RHEX: variants seen among roughly 807,000 people sequenced by gnomAD.
The protein encoded by RHEX is regulator of hemoglobinization and erythroid cell expansion protein.
RHEX carries 18 observed loss-of-function variants against 20.1 expected under a neutral mutation model. The ratio of observed to expected loss-of-function variants is 0.90; its 90% CI spans 0.62 to 1.33. The LOEUF (loss-of-function observed/expected upper bound fraction) is 1.33, where lower values mean the gene tolerates loss of function less well. Among genes scored for constraint, RHEX ranks in the 40% most tolerant of loss-of-function variants. The pLI, the probability that RHEX is intolerant of heterozygous loss-of-function variation, is 0.00. For synonymous variants in RHEX, 87 were observed against 77.1 expected, an observed-to-expected ratio of 1.13 and a Z score of -0.67; for missense variants, 192 against 214.3, an observed-to-expected ratio of 0.90 and a Z score of 0.65.
chr1:206,066,899 G>A (rs1171052184), intron 1 of RHEX, among the ~76,000 whole-genome samples: 4 of 152,118 alleles, frequency 2.6e-5, no homozygotes, highest in Non-Finnish European at 4.4e-5. Flanking sequence ...GAAACATAAG[G>A]CACAAAGCCA....
At chr1:206,085,106 A>G (rs1411929402) in intron 1 of RHEX, among the ~76,000 whole-genome samples, 1 of 152,164 alleles carries the variant, frequency 6.6e-6, no homozygotes, top group African/African-American at 2.4e-5. Flanking sequence ...AAAATAAGTC[A>G]AATAAAGAGA....
At chr1:206,099,296 G>A (rs191986781) in intron 3 of RHEX, among the ~76,000 whole-genome samples, 22 of 152,040 alleles carry the variant, frequency 1.4e-4, no homozygotes, top group Admixed American at 7.2e-4. Flanking sequence ...TTCAAGAGCC[G>A]ATGTGCCTAA....
intron 1 of RHEX, among the ~76,000 whole-genome samples, chr1:206,068,463 A>G (rs1217332554): frequency 6.6e-6 from 1 of 152,208 alleles, no homozygotes; most frequent in Non-Finnish European, 1.5e-5. Flanking sequence ...AGGAAAATTC[A>G]TGAAGAGGGG....
At chr1:206,080,575 G>A (rs556922132) in intron 1 of RHEX, among the ~76,000 whole-genome samples, 2 of 152,246 alleles carry the variant, frequency 1.3e-5, no homozygotes, top group East Asian at 1.9e-4. Flanking sequence ...TTTCCAGTGG[G>A]TGATAAACCA....
intron 1 of RHEX, among the ~76,000 whole-genome samples, chr1:206,080,490 CTGT>C (rs1490481619): frequency 1.5e-4 from 23 of 152,136 alleles, no homozygotes; most frequent in African/African-American, 5.3e-4. Flanking sequence ...GGGAAGGAGG[CTGT>C]TATCTTACGA....
chr1:206,098,425 A>ACC (rs1316629333), intron 3 of RHEX: 5 of 483,992 alleles, frequency 1.0e-5, no homozygotes, highest in African/African-American at 9.6e-5. Flanking sequence ...TCCGTCTACT[A>ACC]CCCAGACCTT....
chr1:206,070,743 T>G (rs1322602962), intron 1 of RHEX, among the ~76,000 whole-genome samples: 1 of 152,170 alleles, frequency 6.6e-6, no homozygotes, highest in South Asian at 2.1e-4. Flanking sequence ...CCACAGACAA[T>G]GCGCCCCTTG....
chr1:206,057,781 C>T (rs1662221981), intron 1 of RHEX, among the ~76,000 whole-genome samples: 1 of 152,246 alleles, frequency 6.6e-6, no homozygotes, highest in Non-Finnish European at 1.5e-5. Context: ...TGAATGGCCC[C>T]CTGAAAAAAT....
intron 1 of RHEX, among the ~76,000 whole-genome samples, chr1:206,074,006 A>G (rs28506088): frequency 0.048 from 7,299 of 152,100 alleles, 394 homozygotes; most frequent in African/African-American, 0.12. Context: ...TTGCAGCCTC[A>G]TCACTCCTCA....
intron 1 of RHEX, chr1:206,083,655 G>A: frequency 1.2e-5 from 12 of 984,574 alleles, no homozygotes; most frequent in Non-Finnish European, 1.4e-5. Context: ...CTAAGGGTAA[G>A]TACTGTCTAT....
At chr1:206,055,709 T>G (rs1384451601) in intron 1 of RHEX, among the ~76,000 whole-genome samples, 1 of 152,196 alleles carries the variant, frequency 6.6e-6, no homozygotes, top group Non-Finnish European at 1.5e-5. Context: ...TTTTCATGAG[T>G]TGAAAAAAAG....
intron 1 of RHEX, among the ~76,000 whole-genome samples, chr1:206,060,112 A>G (rs530565906): frequency 6.6e-6 from 1 of 152,266 alleles, no homozygotes; most frequent in South Asian, 2.1e-4. Flanking sequence ...AGTCAGAGAG[A>G]TGGAGGTTTA....
At chr1:206,089,245 G>C (rs1052010811) in intron 1 of RHEX, among the ~76,000 whole-genome samples, 2 of 151,474 alleles carry the variant, frequency 1.3e-5, no homozygotes, top group African/African-American at 4.9e-5. Flanking sequence ...ATCTCACTAT[G>C]TTGCCCAGGC....
chr1:206,066,454 TA>T (rs1340862890), intron 1 of RHEX, among the ~76,000 whole-genome samples: 1 of 152,086 alleles, frequency 6.6e-6, no homozygotes. Flanking sequence ...CTGTCTCTAC[TA>T]AAAATACAGA....
chr1:206,077,204 G>A (rs1553285369), intron 1 of RHEX, among the ~76,000 whole-genome samples: 3 of 152,154 alleles, frequency 2.0e-5, no homozygotes, highest in African/African-American at 7.2e-5. Flanking sequence ...ACTGTGTTCA[G>A]TGATGATGGT....
At chr1:206,057,191 A>G (rs1012647980) in intron 1 of RHEX, among the ~76,000 whole-genome samples, 5 of 152,258 alleles carry the variant, frequency 3.3e-5, no homozygotes, top group African/African-American at 7.2e-5. Context: ...TGTTTTTGCA[A>G]TTAGCCAAAC....
intron 1 of RHEX, among the ~76,000 whole-genome samples, chr1:206,055,860 C>G (rs921703067): frequency 1.3e-5 from 2 of 152,286 alleles, no homozygotes; most frequent in Admixed American, 1.3e-4. Context: ...TGGCCTATCT[C>G]TCAAAACAAC....
In RHEX at chr1:206,102,195, C is replaced by A. The variant is rs1571877283; in HGVS notation, c.*243C>A. 1 of 534,690 alleles carries A rather than the reference C, an allele frequency of 1.9e-6. No homozygotes were observed. Among genetic ancestry groups the A allele is most frequent in the Non-Finnish European group, 3.3e-6 (1 of 300,148 alleles). The allele number at this position is 534,690 out of a possible 1,614,324, so 33.1% of individuals were successfully genotyped here. A position where few individuals can be genotyped will look rare whatever the true frequency, so the allele number is the denominator to read the frequency against. On this transcript the variant is annotated 3_prime_UTR_variant, in exon 6 of 6. Transcript: ENST00000331555. ...CAAAAACAAGGCTTGGCTGGGAAAA[C>A]AGGCCAATGCCCCGGCAAGAAAGGT...
At chr1:206,063,713 G>C (rs1313687918) in intron 1 of RHEX, among the ~76,000 whole-genome samples, 2 of 152,240 alleles carry the variant, frequency 1.3e-5, no homozygotes, top group Non-Finnish European at 2.9e-5. Flanking sequence ...GCCCAGGCTG[G>C]AGTGCAGTGG....
Sources: allele counts gnomAD v4.1 joint callset (sites outside exome capture counted in the v4.1 genomes callset), GRCh38; gene constraint gnomAD v4.1.1; transcripts MANE v1.5; gene names NCBI Gene and HGNC (gene_info 2026-07-23, HGNC 2026-07-21).